NRXN3: variants seen among roughly 807,000 people sequenced by gnomAD.
The protein encoded by NRXN3 is neurexin III.
Under a neutral mutation model 137.6 loss-of-function variants are expected in NRXN3, and 32 were observed. The ratio of observed to expected loss-of-function variants is 0.23; its 90% confidence interval spans 0.18 to 0.31. The LOEUF (loss-of-function observed/expected upper bound fraction) is 0.31. Ranked by LOEUF, NRXN3 falls within the 10% of genes least tolerant of loss-of-function variation. The pLI is 1.00. For synonymous variants in NRXN3, 798 were observed against 784.5 expected (o/e 1.02, Z -0.29); for missense variants, 1,574 against 2,062.5 (o/e 0.76, Z 4.59).
intron 14 of NRXN3, among the ~76,000 whole-genome samples, chr14:78,979,934 T>C (rs1325923127): frequency 6.6e-6 from 1 of 152,072 alleles, no homozygotes; most frequent in Non-Finnish European, 1.5e-5. Flanking sequence ...TCCCACAACA[T>C]GTGGGAATTA....
chr14:78,932,703 A>G (rs938589865), intron 10 of NRXN3, among the ~76,000 whole-genome samples: 4 of 152,232 alleles, frequency 2.6e-5, no homozygotes, highest in Non-Finnish European at 4.4e-5. Flanking sequence ...ACTAAAGCAG[A>G]CAAGCATAGA....
intron 4 of NRXN3, among the ~76,000 whole-genome samples, chr14:78,528,080 T>G (rs1217832044): frequency 6.6e-6 from 1 of 152,250 alleles, no homozygotes; most frequent in Non-Finnish European, 1.5e-5. Context: ...GTTATGATCC[T>G]TTGCTTTTCA....
intron 15 of NRXN3, among the ~76,000 whole-genome samples, chr14:79,242,786 C>G (rs138953730): frequency 6.6e-5 from 10 of 152,278 alleles, no homozygotes; most frequent in East Asian, 1.9e-4. Context: ...GATCCTGTTA[C>G]AGCATCTGCC....
chr14:79,606,188 A>G (rs1032177736), intron 16 of NRXN3, among the ~76,000 whole-genome samples: 13 of 152,298 alleles, frequency 8.5e-5, no homozygotes, highest in Admixed American at 3.9e-4. Context: ...CACCTCTTCA[A>G]TCTTCTCTCT....
At chr14:79,717,575 T>C (rs1481196366) in intron 19 of NRXN3, among the ~76,000 whole-genome samples, 1 of 152,224 alleles carries the variant, frequency 6.6e-6, no homozygotes, top group Non-Finnish European at 1.5e-5. Flanking sequence ...GCAGTTTAAT[T>C]CTGAATATAT....
intron 16 of NRXN3, among the ~76,000 whole-genome samples, chr14:79,603,122 C>T (rs955967736): frequency 2.0e-5 from 3 of 152,226 alleles, no homozygotes; most frequent in African/African-American, 7.2e-5. Flanking sequence ...TGAACTGTTA[C>T]TCTTGCCTCT....
intron 16 of NRXN3, among the ~76,000 whole-genome samples, chr14:79,494,026 T>A (rs191466304): frequency 3.3e-5 from 5 of 152,310 alleles, no homozygotes; most frequent in Non-Finnish European, 7.4e-5. Flanking sequence ...AGGTGTTCCA[T>A]CAATGTTTCT....
At chr14:79,449,990 C>CAAAAAA (rs66658022) in intron 15 of NRXN3, among the ~76,000 whole-genome samples, 1 of 40,762 alleles carries the variant, frequency 2.5e-5, no homozygotes, top group Non-Finnish European at 4.6e-5. Context: ...AACTCCATCT[C>CAAAAAA]AAAAAAAAAA....
At chr14:78,819,048 C>T (rs1188241222) in intron 10 of NRXN3, among the ~76,000 whole-genome samples, 1 of 152,106 alleles carries the variant, frequency 6.6e-6, no homozygotes. Context: ...TCCTGATTTC[C>T]TTTTTTGTTT....
intron 20 of NRXN3, among the ~76,000 whole-genome samples, chr14:79,827,585 G>T (rs1191763549): frequency 1.3e-5 from 2 of 152,110 alleles, no homozygotes; most frequent in East Asian, 3.9e-4. Flanking sequence ...CATGGTGCTA[G>T]CATCTGGGGA....
intron 10 of NRXN3, among the ~76,000 whole-genome samples, chr14:78,877,706 TAAAG>T (rs571813611): frequency 1.8e-3 from 267 of 152,236 alleles, no homozygotes; most frequent in Middle Eastern, 3.4e-3. Flanking sequence ...TAAAAGCAAA[TAAAG>T]ACTCAATTAC....
chr14:78,983,779 C>A (rs2099495582), intron 14 of NRXN3, among the ~76,000 whole-genome samples: 2 of 150,520 alleles, frequency 1.3e-5, no homozygotes, highest in Non-Finnish European at 2.9e-5. Context: ...ATTGCTTGAA[C>A]CCAGGATGCA....
intron 15 of NRXN3, among the ~76,000 whole-genome samples, chr14:79,083,342 C>G (rs6574488): frequency 0.96 from 146,552 of 152,316 alleles, 70,632 homozygotes; most frequent in Middle Eastern, 0.99. Context: ...GGGAAAGGAT[C>G]CCTGCCAGAA....
intron 11 of NRXN3, among the ~76,000 whole-genome samples, chr14:78,958,556 C>T (rs570115928): frequency 3.9e-5 from 6 of 152,160 alleles, no homozygotes; most frequent in South Asian, 2.1e-4. Context: ...GGCGTTTCAC[C>T]GTGTTAGCCA....
intron 15 of NRXN3, among the ~76,000 whole-genome samples, chr14:79,273,343 T>A (rs956419123): frequency 6.6e-6 from 1 of 151,124 alleles, no homozygotes; most frequent in African/African-American, 2.4e-5. Flanking sequence ...ATAATAATAA[T>A]AATAAAATGG....
At chr14:79,488,832 A>T (rs1303703938) in intron 16 of NRXN3, among the ~76,000 whole-genome samples, 1 of 152,124 alleles carries the variant, frequency 6.6e-6, no homozygotes, top group Non-Finnish European at 1.5e-5. Context: ...TTTTAGAATG[A>T]TCTCTTTGGG....
chr14:79,349,631 C>T (rs1249595425), intron 15 of NRXN3, among the ~76,000 whole-genome samples: 4 of 150,764 alleles, frequency 2.7e-5, no homozygotes, highest in African/African-American at 9.8e-5. Flanking sequence ...ACCTCTAGTA[C>T]CTAAAAACCT....
chr14:79,636,717 G>A (rs527954000), intron 16 of NRXN3, among the ~76,000 whole-genome samples: 4 of 152,312 alleles, frequency 2.6e-5, no homozygotes, highest in African/African-American at 9.6e-5. Flanking sequence ...TAAAATGCTG[G>A]AGGGCAATTG....
intron 15 of NRXN3, among the ~76,000 whole-genome samples, chr14:79,343,838 T>C (rs1406870625): frequency 6.6e-6 from 1 of 152,120 alleles, no homozygotes; most frequent in Non-Finnish European, 1.5e-5. Flanking sequence ...GTTGTCTTGC[T>C]CTCTTACCCA....
Sources: gnomAD v4.1 joint callset for allele counts (sites outside exome capture counted in the v4.1 genomes callset) on GRCh38, gnomAD v4.1.1 for gene constraint, MANE v1.5 for transcripts, NCBI Gene and HGNC (gene_info 2026-07-23, HGNC 2026-07-21) for gene names.